The following RAP1GAP2 variants were observed in gnomAD, a reference collection of about 807,000 sequenced individuals.
RAP1GAP2 encodes the protein RAP1 GTPase activating protein 2.
RAP1GAP2 carries 27 observed loss-of-function variants against 95.0 expected under a neutral mutation model. That is an observed-to-expected ratio of 0.28 (90% confidence interval 0.21 to 0.39). The LOEUF (loss-of-function observed/expected upper bound fraction) is 0.39, where lower values mean the gene tolerates loss of function less well. RAP1GAP2 is among the 10% of genes least tolerant of loss of function. RAP1GAP2 has a pLI of 1.00. For missense variants in RAP1GAP2, 771 were observed against 970.0 expected (o/e 0.79, Z 2.72); for synonymous variants, 373 against 380.9 (o/e 0.98, Z 0.24).
intron 2 of RAP1GAP2, among the ~76,000 whole-genome samples, chr17:2,834,365 A>G (rs1325232614): frequency 1.3e-5 from 2 of 152,196 alleles, no homozygotes; most frequent in Non-Finnish European, 2.9e-5. Flanking sequence ...TTGTCTGCCA[A>G]TCTCAAACCC....
chr17:2,863,253 G>A (rs1197898586), intron 2 of RAP1GAP2, among the ~76,000 whole-genome samples: 1 of 152,122 alleles, frequency 6.6e-6, no homozygotes, highest in African/African-American at 2.4e-5. Context: ...CAGACTAGTG[G>A]GAACCTGGAG....
chr17:3,030,047 ATATATACATATATAG>A (rs1410527650), intron 22 of RAP1GAP2, among the ~76,000 whole-genome samples: 1 of 148,108 alleles, frequency 6.8e-6, no homozygotes, highest in African/African-American at 2.5e-5. Flanking sequence ...TGTATATATT[ATATATACATATATAG>A]TATATACATA....
chr17:2,782,650 A>G (rs950837286), intron 1 of RAP1GAP2, among the ~76,000 whole-genome samples: 7 of 152,176 alleles, frequency 4.6e-5, no homozygotes, highest in Non-Finnish European at 8.8e-5. Context: ...TACACACTGT[A>G]CATGTAATCA....
At chr17:2,942,730 G>A (rs1035672139) in intron 3 of RAP1GAP2, among the ~76,000 whole-genome samples, 2 of 152,090 alleles carry the variant, frequency 1.3e-5, no homozygotes, top group African/African-American at 4.8e-5. Flanking sequence ...GTACTTTTGT[G>A]ATGTCGTACA....
intron 2 of RAP1GAP2, among the ~76,000 whole-genome samples, chr17:2,851,061 GAAAAA>G (rs11337766): frequency 1.3e-5 from 1 of 79,700 alleles, no homozygotes. Context: ...AACGTCTCAA[GAAAAA>G]AAAAAAAAAA....
chr17:2,815,360 CTTG>C (rs2069963573), intron 2 of RAP1GAP2, among the ~76,000 whole-genome samples: 1 of 151,870 alleles, frequency 6.6e-6, no homozygotes, highest in East Asian at 1.9e-4. Flanking sequence ...CGTGGGTGCG[CTTG>C]TTGTGAGGCT....
At chr17:2,960,278 C>G (rs2044264649) in intron 4 of RAP1GAP2, among the ~76,000 whole-genome samples, 1 of 152,046 alleles carries the variant, frequency 6.6e-6, no homozygotes, top group African/African-American at 2.4e-5. Flanking sequence ...GCTCTCCTGC[C>G]CTCGGGGCTG....
rs1297726777 is a variant in RAP1GAP2 at position 2,958,538 on chromosome 17, G to A, written c.201+744G>A. On this transcript the variant is annotated intron_variant, in intron 4 of 24. Coordinates refer to ENST00000254695, the MANE Select transcript of RAP1GAP2 (RefSeq NM_015085.5). ...TCACTGGGCTCAGAGATTGACAGGC[G>A]TCATTTCTTCCTGCTAAGGCCTTCA... Among the ~76,000 whole-genome samples the A allele has an allele frequency of 3.3e-5, 5 of 152,002 alleles. No homozygotes were observed. In the East Asian group the frequency reaches 5.8e-4, roughly 18 times the overall value.
chr17:2,905,416 G>A, intron 3 of RAP1GAP2, 48 bp downstream of exon 3: 5 of 1,581,238 alleles, frequency 3.2e-6, no homozygotes, highest in Non-Finnish European at 4.3e-6. Context: ...GTGTGGGGAA[G>A]TTGTGAGGCC....
intron 11 of RAP1GAP2, among the ~76,000 whole-genome samples, chr17:2,986,758 C>A (rs72824819): frequency 0.04 from 6,120 of 152,080 alleles, 190 homozygotes; most frequent in South Asian, 0.2. Context: ...CAGCTCAAGG[C>A]CAGGATCAAA....
In RAP1GAP2 at chr17:3,027,437, G is replaced by A. The variant is rs978785382; in HGVS notation, c.2107+367G>A. Among the ~76,000 whole-genome samples, 2 of 152,080 alleles carry A rather than the reference G, an allele frequency of 1.3e-5. No individual in the cohort carries two copies. Among genetic ancestry groups the A allele is most frequent in the Admixed American group, 6.6e-5 (1 of 15,264 alleles). Reference sequence around the variant, plus strand: ...CAGCGCTCCAGGGCTGCCAGGGCCCGTCTGTCATGTCGGGGGTCTTGATAA... The same window carrying A: ...CAGCGCTCCAGGGCTGCCAGGGCCCATCTGTCATGTCGGGGGTCTTGATAA... On this transcript the variant is annotated intron_variant, in intron 22 of 24. Coordinates refer to ENST00000254695, the MANE Select transcript of RAP1GAP2 (RefSeq NM_015085.5). This position sits in a 1 kb window ranked among gnomAD's most constrained non-coding sequence, Gnocchi z 5.2.
chr17:3,031,130 C>T lies in RAP1GAP2; in HGVS notation c.2184+132C>T, dbSNP rs73300939. 511 of 1,011,440 alleles carry T rather than the reference C, an allele frequency of 5.1e-4. 2 individuals carry two copies. The African/African-American group carries it at 6.9e-3, about 14-fold the overall frequency. 62.7% of individuals were successfully genotyped at this position (1,011,440 alleles called of 1,614,324 possible). ...AAGGAGGCAGGGGAAGCTCTGGGGA[C>T]GTCTGGCTCCAGCAGGTGCAGGCCG... On this transcript the variant is annotated intron_variant, in intron 23 of 24. Coordinates refer to ENST00000254695, the MANE Select transcript of RAP1GAP2 (RefSeq NM_015085.5).
At chr17:2,795,695 C>T (rs911909568), upstream of RAP1GAP2, among the ~76,000 whole-genome samples, 11 of 152,136 alleles carry the variant, frequency 7.2e-5, no homozygotes, top group South Asian at 2.1e-4. Context: ...TGAGTGCCTG[C>T]GGGCACATGT....
At chr17:2,956,298 T>A (rs1007652891) in intron 3 of RAP1GAP2, among the ~76,000 whole-genome samples, 4 of 152,242 alleles carry the variant, frequency 2.6e-5, no homozygotes, top group Non-Finnish European at 4.4e-5. Flanking sequence ...TGCCAGATCC[T>A]GAACTGCTGG....
In RAP1GAP2 at chr17:2,867,862, C is replaced by T. The variant is rs760019329; in HGVS notation, c.81-37422C>T. On this transcript the variant is annotated intron_variant, in intron 2 of 24. Transcript: ENST00000254695. The surrounding 1 kb of genome is among the most constrained non-coding windows in gnomAD (Gnocchi z 4.5). ...GTGGCTGCAGCTGCTGGTACCCTCC[C>T]AGACGCAAGGAGGCTTCCTTCTGCC... Among the ~76,000 whole-genome samples, 5 of 152,166 alleles carry T rather than the reference C, an allele frequency of 3.3e-5. No individual in the cohort carries two copies. The highest frequency in any genetic ancestry group is 4.8e-5 in the African/African-American group (2 of 41,444).
At chr17:3,028,905 A>G (rs1428321757) in intron 22 of RAP1GAP2, among the ~76,000 whole-genome samples, 1 of 152,092 alleles carries the variant, frequency 6.6e-6, no homozygotes, top group Non-Finnish European at 1.5e-5. Context: ...GGTTCAAGTG[A>G]TTCACCTGCC....
intron 2 of RAP1GAP2, among the ~76,000 whole-genome samples, chr17:2,843,041 C>T (rs1039446882): frequency 5.9e-5 from 9 of 152,010 alleles, no homozygotes; most frequent in Admixed American, 5.9e-4. Flanking sequence ...TGTCTGCCTC[C>T]GTGGAGTATA....
chr17:3,026,290 CCTGGGGGTGGAGGGCT>C, intron 20 of RAP1GAP2, 44 bp from the exon 21 acceptor site: 2 of 1,442,940 alleles, frequency 1.4e-6, no homozygotes, highest in Non-Finnish European at 1.9e-6. Context: ...CGGGGAGGAC[CCTGGGGGTGGAGGGCT>C]CTCGCGTGTG....
intron 8 of RAP1GAP2, among the ~76,000 whole-genome samples, chr17:2,969,677 T>A (rs1380052126): frequency 2.0e-5 from 3 of 151,692 alleles, no homozygotes; most frequent in Admixed American, 6.6e-5. Flanking sequence ...AATTTTTTTG[T>A]ATTTTCAGTA....
Sources: gnomAD v4.1 joint callset for allele counts (sites outside exome capture counted in the v4.1 genomes callset) on GRCh38, gnomAD v4.1.1 for gene constraint, Gnocchi (gnomAD v3.1) non-coding constraint, MANE v1.5 for transcripts, NCBI Gene and HGNC (gene_info 2026-07-23, HGNC 2026-07-21) for gene names.